COL6A3: variants seen among roughly 807,000 people sequenced by gnomAD.
COL6A3 encodes collagen type VI alpha 3 chain, also known as collagen alpha-3(VI) chain.
COL6A3 carries 137 observed loss-of-function variants against 274.1 expected under a neutral mutation model. The ratio of observed to expected loss-of-function variants is 0.50; its 90% CI spans 0.44 to 0.58. The LOEUF (loss-of-function observed/expected upper bound fraction) is 0.58. Among genes scored for constraint, COL6A3 ranks in the 20% least tolerant of loss-of-function variants. The pLI is 0.00. For missense variants in COL6A3, 3,950 were observed against 4,124.9 expected (o/e 0.96, Z 1.16); for synonymous variants, 1,650 against 1,650.6 (o/e 1.00, Z 0.01).
At position 237,413,647 on chromosome 2, in the gene COL6A3, A is replaced by G. The variant is rs912448700; in HGVS notation, c.-31+306T>C. ...TTTAGAAGGCGGCAGTAACTTAAAT[A>G]AATCATGGGCCGAAACACACTGCCG... is the stretch of plus-strand genomic sequence containing the variant. On this transcript the variant is annotated intron_variant, in intron 1 of 43. Coordinates refer to ENST00000295550, the MANE Select transcript of COL6A3 (RefSeq NM_004369.4). This position sits in a 1 kb window ranked among gnomAD's most constrained non-coding sequence, Gnocchi z 4.0. Among the ~76,000 whole-genome samples the G allele has an allele frequency of 8.5e-5, 13 of 152,218 alleles. No homozygotes were observed. Among genetic ancestry groups the G allele is most frequent in the African/African-American group, 2.9e-4 (12 of 41,454 alleles).
At chr2:237,373,727 G>A (rs946124954) in intron 8 of COL6A3, among the ~76,000 whole-genome samples, 2 of 152,202 alleles carry the variant, frequency 1.3e-5, no homozygotes, top group Admixed American at 1.3e-4. Context: ...AGTGACCCGG[G>A]AGAGTGGCCC....
At position 237,377,233 on chromosome 2, in the gene COL6A3, G is replaced by A. The variant is rs1242318875; in HGVS notation, c.2609C>T (p.Pro870Leu). Residue 870 changes from proline to leucine, a missense_variant, in exon 7 of 44, where the codon CCA becomes CTA. Pro to Leu is a moderately conservative substitution (Grantham distance 98, BLOSUM62 -3). Around this residue, in one of 5 missense-constraint regions of COL6A3, gnomAD observed 1,934 missense variants for 1,984.3 expected, o/e 0.97. Transcript: ENST00000295550. ...AGCCACCGCAATTCGGGTCCCCTCT[G>A]GCTTCACATTGAGCTCATCGATAAT... ...YKIIDELNVK[P>L]EGTRIAVAQY... The A allele has an allele frequency of 1.9e-6, 3 of 1,612,776 alleles. No individual in the cohort carries two copies. Among genetic ancestry groups the A allele is most frequent in the Non-Finnish European group, 2.5e-6 (3 of 1,180,034 alleles).
rs372371502 is a variant in COL6A3 at position 237,324,858 on chromosome 2, G to A, written c.9494-44C>T. ...GGTGGGTGGGGTGAGGTGAGGAGCC[G>A]AGAGAAGAGAGGAAAAGCCACATTA... On this transcript the variant is annotated intron_variant, in intron 43 of 43. Transcript: ENST00000295550. 1.9e-4 allele frequency: 308 copies of A among 1,602,920 alleles called. No individual in the cohort carries two copies. The highest frequency in any genetic ancestry group is 2.3e-4 in the Non-Finnish European group (268 of 1,173,248).
chr2:237,333,471 G>T lies in COL6A3; in HGVS notation c.9307C>A (p.Pro3103Thr). The change falls in exon 42 of 44, where the codon CCA (proline) becomes ACA (threonine). Residue 3103 changes from proline to threonine, a missense_variant. Coordinates refer to ENST00000295550, the MANE Select transcript of COL6A3 (RefSeq NM_004369.4). ...STINLMVSTE[P>T]LALTETDICK... ...TCACCTGTTTCAGTGAGAGCCAATG[G>T]TTCTGTGCTCACCATTAGATTGATG... The T allele has an allele frequency of 6.2e-7, 1 of 1,614,158 alleles. No homozygotes were observed. The highest frequency in any genetic ancestry group is 8.5e-7 in the Non-Finnish European group (1 of 1,180,004).
chr2:237,397,406 GGAGAGAAGGAAAGAAAGAAA>G (rs918972906), intron 1 of COL6A3, among the ~76,000 whole-genome samples: 24 of 144,386 alleles, frequency 1.7e-4, no homozygotes, highest in East Asian at 9.0e-4. Context: ...AAAACAAAGA[GGAGAGAAGGAAAGAAAGAAA>G]GAGAGAAGGA....
chr2:237,376,699 T>C (rs539636056), intron 7 of COL6A3, 73 bp downstream of exon 7: 5 of 1,473,808 alleles, frequency 3.4e-6, no homozygotes, highest in African/African-American at 2.8e-5. Flanking sequence ...TAAGGACCAG[T>C]GGCCAGCAGC....
At chr2:237,356,461 T>C (rs1438957107) in intron 23 of COL6A3, among the ~76,000 whole-genome samples, 1 of 152,222 alleles carries the variant, frequency 6.6e-6, no homozygotes, top group Non-Finnish European at 1.5e-5. Flanking sequence ...CCATAGTCCA[T>C]CAATTTGATT....
intron 9 of COL6A3, among the ~76,000 whole-genome samples, chr2:237,369,860 C>T (rs1216879609): frequency 1.3e-5 from 2 of 149,422 alleles, no homozygotes; most frequent in Non-Finnish European, 3.0e-5. Flanking sequence ...TTTTCTGAGA[C>T]ATGGTCTCTT....
Position 237,374,627 on chromosome 2 carries a change from A to G in COL6A3, c.3464T>C (p.Val1155Ala), listed in dbSNP as rs1189821485. 1 of 1,614,100 alleles carries G rather than the reference A, an allele frequency of 6.2e-7. No individual in the cohort carries two copies. The highest frequency in any genetic ancestry group is 1.7e-5 in the Admixed American group (1 of 60,026). ...AATGGGCACAGCCCCACCCCTCTTC[A>G]CGACCACGGAGGGGTTCCGCACATC... ...GDDVRNPSVV[V>A]KRGGAVPIGI... Residue 1155 changes from valine to alanine, a missense_variant, in exon 8 of 44, where the codon GTG becomes GCG. Transcript: ENST00000295550. The surrounding 1 kb of genome is among the most constrained non-coding windows in gnomAD (Gnocchi z 4.8).
Position 237,363,363 on chromosome 2 carries a change from C to T in COL6A3, c.5953G>A (p.Val1985Met), listed in dbSNP as rs200478135. The change falls in exon 14 of 44, where the codon GTG becomes ATG. Residue 1985 changes from valine to methionine, a missense_variant. By Grantham distance (21) the Val-to-Met change is conservative (BLOSUM62 1). Coordinates refer to ENST00000295550, the MANE Select transcript of COL6A3 (RefSeq NM_004369.4). ...RALILVGLER[V>M]VNLERLMHLE... The stretch of plus-strand genomic sequence containing the variant: ...TGCATTAGCCGCTCCAAGTTGACCA[C>T]TCGTTCAAGGCCCACCAGGATCAAG... 27 of 1,614,038 alleles carry T rather than the reference C, an allele frequency of 1.7e-5. No homozygotes were observed. The highest frequency in any genetic ancestry group is 1.2e-4 in the Admixed American group (7 of 60,008).
intron 1 of COL6A3, among the ~76,000 whole-genome samples, chr2:237,401,603 G>T (rs1331447919): frequency 6.6e-6 from 1 of 152,006 alleles, no homozygotes; most frequent in East Asian, 1.9e-4. Flanking sequence ...CATTGTAGGT[G>T]TATAATAAAT....
chr2:237,402,552 G>A (rs180708515), intron 1 of COL6A3, among the ~76,000 whole-genome samples: 143 of 152,238 alleles, frequency 9.4e-4, no homozygotes, highest in Admixed American at 2.0e-3. Flanking sequence ...GGAAAAAACA[G>A]TACAACTAAA....
chr2:237,388,245 T>C, intron 3 of COL6A3, 61 bp from the exon 4 acceptor site: 1 of 1,606,106 alleles, frequency 6.2e-7, no homozygotes, highest in South Asian at 1.1e-5. Context: ...ACATGCATTA[T>C]TCAGTGTTCT....
At chr2:237,328,768 T>C (rs529671354) in intron 42 of COL6A3, 10 of 152,218 alleles carry the variant, frequency 6.6e-5, no homozygotes, top group East Asian at 3.9e-4. Flanking sequence ...CCCAAACATA[T>C]TGATTTCCAA....
chr2:237,338,935 A>G, intron 39 of COL6A3, 80 bp downstream of exon 39: 2 of 1,094,922 alleles, frequency 1.8e-6, no homozygotes, highest in African/African-American at 1.5e-5. Flanking sequence ...TCCTCATCCC[A>G]TAAAGTCAGG....
rs774898836 is a variant in COL6A3 at position 237,357,820 on chromosome 2, G to A, written c.6534C>T (p.Pro2178=). ...CTAGGAATGTGCAGCACCTTACCAT[G>A]GGGCCGAGGTCACCGGTTTCTCCTT... ...GPKGETGDLG[P]MGVPGRDGVP... is the part of the protein sequence containing the mutation. Residue 2178 remains proline (P), a synonymous_variant, in exon 22 of 44, where the codon CCC becomes CCT. Coordinates refer to ENST00000295550, the MANE Select transcript of COL6A3 (RefSeq NM_004369.4). 6 of 1,613,938 alleles carry A rather than the reference G, an allele frequency of 3.7e-6. No individual in the cohort carries two copies. The East Asian group carries it at 1.1e-4, about 30-fold the overall frequency.
chr2:237,401,743 G>A (rs370664890), intron 1 of COL6A3, among the ~76,000 whole-genome samples: 6 of 151,836 alleles, frequency 4.0e-5, no homozygotes, highest in African/African-American at 9.7e-5. Flanking sequence ...GGAGTGCAGT[G>A]TCACGATCAC....
At chr2:237,363,479 A>G in intron 13 of COL6A3, 81 bp from the exon 14 acceptor site, 1 of 1,521,420 alleles carries the variant, frequency 6.6e-7, no homozygotes. Flanking sequence ...TACATTTTTA[A>G]AGAAAACTTC....
intron 38 of COL6A3, among the ~76,000 whole-genome samples, chr2:237,340,205 G>C (rs2076954247): frequency 6.6e-6 from 1 of 152,190 alleles, no homozygotes; most frequent in African/African-American, 2.4e-5. Context: ...TTATGACTAG[G>C]TGGCGCTTGG....
Sources: gnomAD v4.1 joint callset for allele counts (sites outside exome capture counted in the v4.1 genomes callset) on GRCh38, gnomAD v4.1.1 for gene constraint, gnomAD v4.1.1 regional missense constraint, Gnocchi (gnomAD v3.1) non-coding constraint, MANE v1.5 for transcripts, NCBI Gene and HGNC (gene_info 2026-07-23, HGNC 2026-07-21) for gene names.